The following CNTNAP5 variants were observed in gnomAD, a reference collection of about 807,000 sequenced individuals.
CNTNAP5 encodes the protein contactin-associated protein-like 5.
In CNTNAP5, 72 loss-of-function variants were observed where a neutral mutation model predicts 150.2. That is an observed-to-expected ratio of 0.48 (90% CI 0.40 to 0.58). The LOEUF is 0.58. Ranked by LOEUF, CNTNAP5 falls within the 20% of genes least tolerant of loss-of-function variation. CNTNAP5 has a pLI of 0.00. For missense variants in CNTNAP5, 1,636 were observed against 1,626.2 expected, an observed-to-expected ratio of 1.01 and a Z score of -0.10; for synonymous variants, 672 against 619.8, an observed-to-expected ratio of 1.08 and a Z score of -1.25.
intron 1 of CNTNAP5, among the ~76,000 whole-genome samples, chr2:124,197,133 G>T (rs1405449444): frequency 6.6e-6 from 1 of 152,100 alleles, no homozygotes; most frequent in African/African-American, 2.4e-5. Flanking sequence ...TATGTATAAG[G>T]TACGAATAAT....
chr2:124,334,249 C>G (rs569224036), intron 3 of CNTNAP5, among the ~76,000 whole-genome samples: 1 of 152,208 alleles, frequency 6.6e-6, no homozygotes, highest in Admixed American at 6.5e-5. Flanking sequence ...TTTTTATCCA[C>G]TGACCACCAA....
At chr2:124,718,105 A>G (rs1030423163) in intron 13 of CNTNAP5, among the ~76,000 whole-genome samples, 1 of 152,246 alleles carries the variant, frequency 6.6e-6, no homozygotes, top group Non-Finnish European at 1.5e-5. Context: ...TAACAAATGT[A>G]AAGAGGATGA....
chr2:124,521,309 T>C lies in CNTNAP5; in HGVS notation c.1328-2994T>C, dbSNP rs188476394. Among the ~76,000 whole-genome samples, 7 of 152,198 alleles carry C rather than the reference T, an allele frequency of 4.6e-5. No homozygotes were observed. The East Asian group carries it at 1.4e-3, about 29-fold the overall frequency. On this transcript the variant is annotated intron_variant, in intron 8 of 23. Transcript: ENST00000682447. ...AATTTTCCTCCACAGAGCTAAACTTTTCACCCAGGCTCCCACTGCAGGCAT... is the reference window on the plus strand; with the variant it reads ...AATTTTCCTCCACAGAGCTAAACTTCTCACCCAGGCTCCCACTGCAGGCAT...
chr2:124,464,527 A>C (rs1370662197), intron 6 of CNTNAP5, among the ~76,000 whole-genome samples: 1 of 152,224 alleles, frequency 6.6e-6, no homozygotes, highest in Non-Finnish European at 1.5e-5. Context: ...GAGCATATTA[A>C]AGTGACAGAC....
intron 1 of CNTNAP5, among the ~76,000 whole-genome samples, chr2:124,038,585 C>A (rs1225737226): frequency 1.3e-5 from 2 of 152,042 alleles, no homozygotes; most frequent in East Asian, 1.9e-4. Context: ...AGGAATGAAG[C>A]CTTAAATATT....
chr2:124,417,068 G>C (rs763437482), intron 3 of CNTNAP5, among the ~76,000 whole-genome samples: 1 of 151,062 alleles, frequency 6.6e-6, no homozygotes, highest in Non-Finnish European at 1.5e-5. Flanking sequence ...CTCTCGGGTA[G>C]CTGGGATTAC....
At chr2:124,586,637 G>A (rs766488118) in intron 11 of CNTNAP5, among the ~76,000 whole-genome samples, 3 of 152,112 alleles carry the variant, frequency 2.0e-5, no homozygotes, top group Admixed American at 2.0e-4. Context: ...AGGCCTCAGA[G>A]AAATAAAAGA....
At chr2:124,900,107 T>C (rs1315194279) in intron 21 of CNTNAP5, among the ~76,000 whole-genome samples, 2 of 151,476 alleles carry the variant, frequency 1.3e-5, no homozygotes, top group East Asian at 1.9e-4. Flanking sequence ...CTTCGAGTCC[T>C]AGTTACTTCA....
In CNTNAP5 at chr2:124,920,583, C is replaced by T. The variant is rs541846244; in HGVS notation, c.*6295C>T. On this transcript the variant is annotated 3_prime_UTR_variant, in exon 24 of 24. Transcript: ENST00000682447. ...GACAAAGACCAAGAATTTTCTCTTTCTGAATCTGGCAGTTGACAGGCCTCC... is the reference window on the plus strand; with the variant it reads ...GACAAAGACCAAGAATTTTCTCTTTTTGAATCTGGCAGTTGACAGGCCTCC... Among the ~76,000 whole-genome samples, 2 of 152,246 alleles carry T rather than the reference C, an allele frequency of 1.3e-5. No individual in the cohort carries two copies. Among genetic ancestry groups the T allele is most frequent in the South Asian group, 4.1e-4 (2 of 4,828 alleles).
chr2:124,558,846 T>A (rs769286105), intron 10 of CNTNAP5, among the ~76,000 whole-genome samples: 5 of 152,266 alleles, frequency 3.3e-5, no homozygotes, highest in African/African-American at 4.8e-5. Flanking sequence ...AGAGAGAGCA[T>A]GTTCTGCTGA....
At chr2:124,404,479 T>A (rs532328840) in intron 3 of CNTNAP5, among the ~76,000 whole-genome samples, 1 of 152,282 alleles carries the variant, frequency 6.6e-6, no homozygotes. Flanking sequence ...AGCCTCACAG[T>A]GTCTCCCCAT....
intron 5 of CNTNAP5, among the ~76,000 whole-genome samples, chr2:124,444,360 C>T (rs749482583): frequency 9.2e-5 from 14 of 152,060 alleles, no homozygotes; most frequent in Admixed American, 7.9e-4. Context: ...TTTGGGAAGT[C>T]GGGGCAGCAG....
At chr2:124,572,507 C>T (rs1215933035) in intron 11 of CNTNAP5, among the ~76,000 whole-genome samples, 1 of 152,038 alleles carries the variant, frequency 6.6e-6, no homozygotes, top group African/African-American at 2.4e-5. Flanking sequence ...AGAGATTGGA[C>T]CTGGGCATAA....
At chr2:124,217,213 T>C (rs1178040036) in intron 1 of CNTNAP5, among the ~76,000 whole-genome samples, 2 of 151,022 alleles carry the variant, frequency 1.3e-5, no homozygotes, top group East Asian at 4.0e-4. Context: ...AGAAGCCTTT[T>C]AGTCTCTCAT....
intron 3 of CNTNAP5, among the ~76,000 whole-genome samples, chr2:124,277,167 G>A (rs1687903218): frequency 6.6e-6 from 1 of 152,160 alleles, no homozygotes; most frequent in African/African-American, 2.4e-5. Flanking sequence ...GAGAATGCCT[G>A]CTAGTGAGGA....
chr2:124,628,865 G>A (rs1440739437), intron 12 of CNTNAP5, among the ~76,000 whole-genome samples: 1 of 152,150 alleles, frequency 6.6e-6, no homozygotes, highest in Non-Finnish European at 1.5e-5. Context: ...AGGGATGGAG[G>A]AAAATTTATC....
At chr2:124,612,311 C>T (rs940284548) in intron 12 of CNTNAP5, among the ~76,000 whole-genome samples, 5 of 151,978 alleles carry the variant, frequency 3.3e-5, no homozygotes, top group African/African-American at 1.2e-4. Context: ...TACATACAGA[C>T]ACAGAAATAT....
intron 21 of CNTNAP5, among the ~76,000 whole-genome samples, chr2:124,874,112 T>C (rs1677806316): frequency 6.6e-6 from 1 of 152,074 alleles, no homozygotes; most frequent in African/African-American, 2.4e-5. Context: ...ATTGTGTACA[T>C]TAAAACTTCA....
chr2:124,382,813 C>T (rs1036812621), intron 3 of CNTNAP5, among the ~76,000 whole-genome samples: 2 of 152,058 alleles, frequency 1.3e-5, no homozygotes, highest in African/African-American at 4.8e-5. Context: ...TTTTAGAATC[C>T]CTTCTAGTTT....
Sources: gnomAD v4.1 joint callset for allele counts (sites outside exome capture counted in the v4.1 genomes callset) on GRCh38, gnomAD v4.1.1 for gene constraint, MANE v1.5 for transcripts, NCBI Gene and HGNC (gene_info 2026-07-23, HGNC 2026-07-21) for gene names.